The following TRIM4 variants were observed in gnomAD, a reference collection of about 807,000 sequenced individuals.
TRIM4 encodes the protein E3 ubiquitin-protein ligase TRIM4.
A neutral mutation model predicts 33.7 loss-of-function variants in TRIM4; 29 were observed. That is an observed-to-expected ratio of 0.86 (90% CI 0.64 to 1.17). The LOEUF (loss-of-function observed/expected upper bound fraction) is 1.17, where lower values mean the gene tolerates loss of function less well. TRIM4 is among the 50% of genes most tolerant of loss of function. TRIM4 has a pLI of 0.00. For synonymous variants in TRIM4, 224 were observed against 233.0 expected (o/e 0.96, Z 0.35); for missense variants, 554 against 593.7 (o/e 0.93, Z 0.69).
intron 2 of TRIM4, among the ~76,000 whole-genome samples, chr7:99,909,294 G>T (rs1819383716): frequency 6.6e-6 from 1 of 152,102 alleles, no homozygotes; most frequent in Non-Finnish European, 1.5e-5. Context: ...TGGGGATGAA[G>T]TATGCGGAAC....
intron 3 of TRIM4, among the ~76,000 whole-genome samples, chr7:99,907,145 T>A (rs1432557895): frequency 6.6e-6 from 1 of 152,186 alleles, no homozygotes; most frequent in Non-Finnish European, 1.5e-5. Flanking sequence ...TGGTATGGAG[T>A]CTTGCTCTGT....
At chr7:99,909,723 CTTTT>C in intron 1 of TRIM4, 63 bp from the exon 2 acceptor site, 1 of 692,538 alleles carries the variant, frequency 1.4e-6, no homozygotes, top group Non-Finnish European at 2.1e-6. Flanking sequence ...CTTCTTTTTT[CTTTT>C]TGTTTTTTTT....
In TRIM4 at chr7:99,908,527, C is replaced by T. The variant is rs376972342; in HGVS notation, c.720+55G>A. On this transcript the variant is annotated intron_variant, in intron 3 of 5. Transcript: ENST00000349062. Reference sequence around the variant, plus strand: ...CAGGAAGGACATTCAGCTCTAAAGACAAGAGAGAGTTCAGTTAGTGAAGAT... The same window carrying T: ...CAGGAAGGACATTCAGCTCTAAAGATAAGAGAGAGTTCAGTTAGTGAAGAT... 4.9e-5 allele frequency: 69 copies of T among 1,398,432 alleles called. 2 individuals are homozygous for T. The highest frequency in any genetic ancestry group is 3.9e-4 in the East Asian group (17 of 43,684). The allele number at this position is 1,398,432 out of a possible 1,614,324, so 86.6% of individuals were successfully genotyped here.
chr7:99,909,574 T>A lies in TRIM4; in HGVS notation c.480A>T (p.Thr160=). 1 of 1,613,954 alleles carries A rather than the reference T, an allele frequency of 6.2e-7. No individual in the cohort carries two copies. The highest frequency in any genetic ancestry group is 8.5e-7 in the Non-Finnish European group (1 of 1,179,942). The change falls in exon 2 of 6, where the codon ACA becomes ACT. Residue 160 remains threonine, a synonymous_variant. Coordinates refer to ENST00000349062, the MANE Select transcript of TRIM4 (RefSeq NM_033091.3). ...CCACTTCTGCCATTACCTTCCACTG[T>A]GTGGCGTTCTTCACTTCTACATCCT... is the stretch of plus-strand genomic sequence containing the variant. ...HLQDVEVKNA[T]QWKDKIKSQR...
chr7:99,913,663 T>G (rs908628553), intron 1 of TRIM4, among the ~76,000 whole-genome samples: 1 of 147,352 alleles, frequency 6.8e-6, no homozygotes, highest in Non-Finnish European at 1.5e-5. Context: ...ACAGTGAGAC[T>G]CCATCTCAAA....
chr7:99,912,356 C>T (rs534024815), intron 1 of TRIM4, among the ~76,000 whole-genome samples: 50 of 152,100 alleles, frequency 3.3e-4, no homozygotes, highest in African/African-American at 1.0e-3. Context: ...CATGGTGAAA[C>T]CCTGTCTCTA....
chr7:99,914,808 T>C (rs10236432), intron 1 of TRIM4, among the ~76,000 whole-genome samples: 11 of 152,014 alleles, frequency 7.2e-5, no homozygotes, highest in African/African-American at 2.7e-4. Flanking sequence ...CTTTTTTTCT[T>C]TTTTTCTTTT....
intron 1 of TRIM4, among the ~76,000 whole-genome samples, chr7:99,916,143 A>C (rs1343881604): frequency 6.6e-6 from 1 of 152,158 alleles, no homozygotes; most frequent in Non-Finnish European, 1.5e-5. Context: ...TGGAAGATTT[A>C]AGGGCTATGT....
At position 99,918,890 on chromosome 7, in the gene TRIM4, G is replaced by T. The variant is rs528193906; in HGVS notation, c.393+119C>A. The stretch of plus-strand genomic sequence containing the variant: ...TTTGCTTAACTTCTTTGAGTTTCAG[G>T]GGCTTTTCATGCTTCCAGTAGGAAT... On this transcript the variant is annotated intron_variant, in intron 1 of 5. Coordinates refer to ENST00000349062, the MANE Select transcript of TRIM4 (RefSeq NM_033091.3). 2,297 of 1,273,198 alleles carry T rather than the reference G, an allele frequency of 1.8e-3. 3 individuals carry two copies. Among genetic ancestry groups the T allele is most frequent in the Non-Finnish European group, 2.2e-3 (2,091 of 967,938 alleles). 78.9% of individuals were successfully genotyped at this position (1,273,198 alleles called of 1,614,324 possible). A position where few individuals can be genotyped will look rare whatever the true frequency, so the allele number is the denominator to read the frequency against.
intron 2 of TRIM4, among the ~76,000 whole-genome samples, chr7:99,909,133 G>GGT (rs140032652): frequency 0.042 from 6,296 of 148,434 alleles, 372 homozygotes; most frequent in African/African-American, 0.13. Flanking sequence ...GGAGTGTGAG[G>GGT]GTGTGTGTGT....
chr7:99,915,752 C>T (rs1445603743), intron 1 of TRIM4, among the ~76,000 whole-genome samples: 5 of 152,210 alleles, frequency 3.3e-5, no homozygotes, highest in South Asian at 4.1e-4. Context: ...TGAACACCTA[C>T]GAAGTCAACC....
intron 5 of TRIM4, among the ~76,000 whole-genome samples, chr7:99,896,688 CA>C (rs940940389): frequency 2.6e-5 from 4 of 152,330 alleles, no homozygotes; most frequent in Non-Finnish European, 4.4e-5. Context: ...ACAATGGGAT[CA>C]GGGGAGAATC....
intron 3 of TRIM4, among the ~76,000 whole-genome samples, chr7:99,906,413 A>G (rs1333453995): frequency 6.6e-6 from 1 of 152,046 alleles, no homozygotes; most frequent in Non-Finnish European, 1.5e-5. Flanking sequence ...GGCTAGTGCA[A>G]ACTCCTGAGC....
At chr7:99,892,932 C>G (rs1488674274) in intron 5 of TRIM4, among the ~76,000 whole-genome samples, 186 bp from the exon 6 acceptor site, 4 of 152,190 alleles carry the variant, frequency 2.6e-5, no homozygotes. Context: ...ACCTGAAGTC[C>G]TCATTTCCCT....
At chr7:99,916,642 T>C in intron 1 of TRIM4, 1 of 763,612 alleles carries the variant, frequency 1.3e-6, no homozygotes, top group Non-Finnish European at 2.4e-6. Context: ...TCCAGCTCAT[T>C]ATCACTCCAT....
chr7:99,915,941 C>G (rs1195804269), intron 1 of TRIM4, among the ~76,000 whole-genome samples: 2 of 152,164 alleles, frequency 1.3e-5, no homozygotes, highest in Non-Finnish European at 2.9e-5. Flanking sequence ...TAGCCACTTC[C>G]TAGTTCTGTG....
chr7:99,916,405 C>A (rs990688749), intron 1 of TRIM4, among the ~76,000 whole-genome samples: 1 of 152,172 alleles, frequency 6.6e-6, no homozygotes, highest in African/African-American at 2.4e-5. Context: ...TCCAAGGCAC[C>A]CCACCTCCTG....
At chr7:99,893,470 G>A (rs1012182765) in intron 5 of TRIM4, among the ~76,000 whole-genome samples, 8 of 152,040 alleles carry the variant, frequency 5.3e-5, no homozygotes, top group Admixed American at 2.6e-4. Flanking sequence ...TCTTTTCACG[G>A]GTTCCAGTTG....
At chr7:99,909,112 C>A (rs1819375425) in intron 2 of TRIM4, among the ~76,000 whole-genome samples, 1 of 149,416 alleles carries the variant, frequency 6.7e-6, no homozygotes, top group Non-Finnish European at 1.5e-5. Context: ...TTTAGTTTTA[C>A]CAAATCTTTA....
Sources: gnomAD v4.1 joint callset for allele counts (sites outside exome capture counted in the v4.1 genomes callset) on GRCh38, gnomAD v4.1.1 for gene constraint, MANE v1.5 for transcripts, NCBI Gene and HGNC (gene_info 2026-07-23, HGNC 2026-07-21) for gene names.